Variants in DDX46 observed in about 807,000 individuals in gnomAD.
The protein encoded by DDX46 is probable ATP-dependent RNA helicase DDX46.
Under a neutral mutation model 134.9 loss-of-function variants are expected in DDX46, and 30 were observed. The ratio of observed to expected loss-of-function variants is 0.22; its 90% confidence interval spans 0.17 to 0.30. DDX46 has a LOEUF of 0.30. DDX46 is among the 10% of genes least tolerant of loss of function. DDX46 has a pLI of 1.00. For missense variants in DDX46, 622 were observed against 1,248.7 expected (o/e 0.50, Z 7.56); for synonymous variants, 415 against 404.1 (o/e 1.03, Z -0.32).
rs1176912650 is a variant in DDX46, at chr5:134,810,063, TG to T, written c.2149-1157del. On this transcript the variant is annotated intron_variant, in intron 16 of 22. Coordinates refer to ENST00000452510, the MANE Select transcript of DDX46 (RefSeq NM_001300860.2). ...CAACAGTTGACTGTTTGGGTCAGAT[TG>T]TTTTTTTGGTTTTGTTTTTTACATT... Among the ~76,000 whole-genome samples the T allele has an allele frequency of 6.6e-5, 10 of 152,142 alleles. No homozygotes were observed. In the East Asian group the frequency reaches 1.4e-3, roughly 21 times the overall value.
chr5:134,792,022 C>G (rs913355896), intron 13 of DDX46, among the ~76,000 whole-genome samples: 3 of 151,868 alleles, frequency 2.0e-5, no homozygotes, highest in Non-Finnish European at 4.4e-5. Flanking sequence ...ACTAAAAATA[C>G]AAAAATTAGC....
At chr5:134,801,114 T>C (rs1032617163) in intron 15 of DDX46, among the ~76,000 whole-genome samples, 3 of 152,024 alleles carry the variant, frequency 2.0e-5, no homozygotes, top group African/African-American at 7.2e-5. Context: ...CAAGACCCCA[T>C]CTCTATGAAA....
intron 7 of DDX46, 73 bp from the exon 8 acceptor site, chr5:134,781,848 C>CT (rs1426546218): frequency 6.4e-5 from 89 of 1,398,182 alleles, no homozygotes; most frequent in Non-Finnish European, 8.0e-5. Flanking sequence ...ATTTGAAAAG[C>CT]TAGGAGTATT....
At chr5:134,802,161 T>A in intron 15 of DDX46, among the ~76,000 whole-genome samples, 1 of 60,796 alleles carries the variant, frequency 1.6e-5, no homozygotes, top group African/African-American at 1.4e-4. Flanking sequence ...ATTTCTTTCT[T>A]TTTTTTTTTT....
intron 21 of DDX46, 138 bp from the exon 22 acceptor site, chr5:134,826,809 G>A (rs932454186): frequency 2.0e-5 from 13 of 648,762 alleles, no homozygotes; most frequent in Non-Finnish European, 2.8e-5. Flanking sequence ...GTTCCACCAG[G>A]CATTAAATGG....
At chr5:134,813,046 G>A (rs1230504310) in intron 18 of DDX46, among the ~76,000 whole-genome samples, 1 of 152,034 alleles carries the variant, frequency 6.6e-6, no homozygotes, top group African/African-American at 2.4e-5. Flanking sequence ...GGTTCAAGTG[G>A]TTCTCCTGCC....
At chr5:134,768,253 G>A (rs1394042894) in intron 3 of DDX46, among the ~76,000 whole-genome samples, 1 of 151,796 alleles carries the variant, frequency 6.6e-6, no homozygotes, top group Non-Finnish European at 1.5e-5. Flanking sequence ...GGGACTGCAG[G>A]TGTGTGCCAA....
rs1754410393 is a variant in DDX46 at position 134,788,554 on chromosome 5, A to G, written c.1506A>G (p.Thr502=). ...LKRGAEIIVC[T]PGRMIDMLAA... is the part of the protein sequence containing the mutation. The stretch of plus-strand genomic sequence containing the variant: ...GAGGTGCTGAAATTATTGTTTGCAC[A>G]CCTGGTCGAATGATTGACATGTTAG... Residue 502 remains threonine, a synonymous_variant, in exon 12 of 23, where the codon ACA becomes ACG. Coordinates refer to ENST00000452510, the MANE Select transcript of DDX46 (RefSeq NM_001300860.2). The G allele has an allele frequency of 6.2e-7, 1 of 1,614,086 alleles. No homozygotes were observed. Among genetic ancestry groups the G allele is most frequent in the Non-Finnish European group, 8.5e-7 (1 of 1,179,992 alleles).
chr5:134,810,637 T>A (rs1037106865), intron 16 of DDX46, among the ~76,000 whole-genome samples: 1 of 148,936 alleles, frequency 6.7e-6, no homozygotes, highest in Non-Finnish European at 1.5e-5. Context: ...AGCCACTGCG[T>A]CCAGCCAATT....
chr5:134,791,478 G>A (rs187578412), intron 13 of DDX46, among the ~76,000 whole-genome samples: 1 of 151,790 alleles, frequency 6.6e-6, no homozygotes, highest in African/African-American at 2.4e-5. Context: ...GGAGAATGGC[G>A]TGAACCCGGG....
intron 15 of DDX46, among the ~76,000 whole-genome samples, chr5:134,799,443 A>T (rs568116506): frequency 4.4e-4 from 61 of 137,628 alleles, no homozygotes; most frequent in African/African-American, 6.5e-4. Context: ...GTGAATATTT[A>T]AAAAAAAAAA....
chr5:134,811,132 T>C, intron 16 of DDX46, 89 bp from the exon 17 acceptor site: 2 of 1,178,446 alleles, frequency 1.7e-6, no homozygotes, highest in South Asian at 4.1e-5. Context: ...ATCTCGAGGA[T>C]TTATTAGGTG....
chr5:134,814,298 T>C (rs1205019967), intron 18 of DDX46, among the ~76,000 whole-genome samples: 1 of 152,192 alleles, frequency 6.6e-6, no homozygotes, highest in Non-Finnish European at 1.5e-5. Flanking sequence ...TGGAATGTAT[T>C]CCATGTGTAA....
intron 6 of DDX46, among the ~76,000 whole-genome samples, chr5:134,778,372 T>A (rs1754013996): frequency 1.3e-5 from 2 of 152,028 alleles, no homozygotes; most frequent in African/African-American, 4.8e-5. Flanking sequence ...CTCTTTTTCA[T>A]AGCATTTATT....
intron 14 of DDX46, 39 bp downstream of exon 14, chr5:134,795,053 A>C: frequency 6.2e-7 from 1 of 1,607,246 alleles, no homozygotes; most frequent in Non-Finnish European, 8.5e-7. Context: ...TTTCCTTGAT[A>C]CTTAGGTGGT....
intron 21 of DDX46, 116 bp from the exon 22 acceptor site, chr5:134,826,831 G>A (rs1755604454): frequency 2.3e-6 from 2 of 879,250 alleles, no homozygotes; most frequent in Non-Finnish European, 3.4e-6. Flanking sequence ...TATCTTGGCA[G>A]GCAGTACAGT....
chr5:134,768,846 G>A (rs1257411011), intron 3 of DDX46, among the ~76,000 whole-genome samples: 3 of 152,070 alleles, frequency 2.0e-5, no homozygotes, highest in African/African-American at 7.2e-5. Flanking sequence ...GGATCACGAG[G>A]TCAGGAGTTT....
intron 21 of DDX46, 45 bp from the exon 22 acceptor site, chr5:134,826,902 G>T (rs752587698): frequency 6.3e-7 from 1 of 1,589,010 alleles, no homozygotes; most frequent in Non-Finnish European, 8.6e-7. Flanking sequence ...TAAACACAGT[G>T]TAAGTTTAGT....
chr5:134,819,060 GTAA>G, intron 21 of DDX46, 56 bp downstream of exon 21: 1 of 1,579,900 alleles, frequency 6.3e-7, no homozygotes, highest in Non-Finnish European at 8.6e-7. Flanking sequence ...TGATGTAGAT[GTAA>G]TAAACGCAAA....
Sources: gnomAD v4.1 joint callset for allele counts (sites outside exome capture counted in the v4.1 genomes callset) on GRCh38, gnomAD v4.1.1 for gene constraint, MANE v1.5 for transcripts, NCBI Gene and HGNC (gene_info 2026-07-23, HGNC 2026-07-21) for gene names.